The following CADPS2 variants were observed in gnomAD, a reference collection of about 807,000 sequenced individuals.
CADPS2 encodes calcium dependent secretion activator 2, also known as calcium-dependent secretion activator 2.
CADPS2 carries 93 observed loss-of-function variants against 172.5 expected under a neutral mutation model. The ratio of observed to expected loss-of-function variants is 0.54; its 90% CI spans 0.46 to 0.64. The LOEUF (loss-of-function observed/expected upper bound fraction) is 0.64, where lower values mean the gene tolerates loss of function less well. CADPS2 is among the 30% of genes least tolerant of loss of function. CADPS2 has a pLI of 0.00. For missense variants in CADPS2, 1,420 were observed against 1,565.9 expected (o/e 0.91, Z 1.57); for synonymous variants, 546 against 555.2 (o/e 0.98, Z 0.23).
chr7:122,700,741 G>A (rs936008017), intron 2 of CADPS2, among the ~76,000 whole-genome samples: 2 of 152,108 alleles, frequency 1.3e-5, no homozygotes, highest in South Asian at 2.1e-4. Flanking sequence ...ACCATTTGGA[G>A]AGGAAAAGAG....
At chr7:122,613,066 A>C (rs1038963577) in intron 6 of CADPS2, among the ~76,000 whole-genome samples, 11 of 152,178 alleles carry the variant, frequency 7.2e-5, no homozygotes, top group African/African-American at 2.4e-4. Context: ...AGTGACCTAA[A>C]TATAAAACTA....
intron 1 of CADPS2, among the ~76,000 whole-genome samples, chr7:122,784,405 G>T (rs935666948): frequency 6.6e-6 from 1 of 152,134 alleles, no homozygotes. Flanking sequence ...GCACTCATGT[G>T]TTAAGATTTA....
At chr7:122,505,122 A>T (rs1391984961) in intron 9 of CADPS2, among the ~76,000 whole-genome samples, 1 of 152,220 alleles carries the variant, frequency 6.6e-6, no homozygotes, top group South Asian at 2.1e-4. Flanking sequence ...TATAATTAAC[A>T]TGTTCATATT....
At chr7:122,533,281 G>A (rs777865381) in intron 8 of CADPS2, among the ~76,000 whole-genome samples, 2 of 152,050 alleles carry the variant, frequency 1.3e-5, no homozygotes, top group Non-Finnish European at 2.9e-5. Flanking sequence ...ATAGCCTGGA[G>A]CTTAAAGGCT....
chr7:122,652,395 TTAAG>T (rs2079251230), intron 3 of CADPS2, among the ~76,000 whole-genome samples: 3 of 152,202 alleles, frequency 2.0e-5, no homozygotes, highest in South Asian at 4.1e-4. Flanking sequence ...CTGGTACCAC[TTAAG>T]TAACAGCATT....
At chr7:122,527,609 AGAGAGAGAGTGTGTGTGTGT>A (rs1372406185) in intron 8 of CADPS2, among the ~76,000 whole-genome samples, 5 of 120,768 alleles carry the variant, frequency 4.1e-5, no homozygotes, top group African/African-American at 1.3e-4. Flanking sequence ...AGAGAGAGAG[AGAGAGAGAGTGTGTGTGTGT>A]GTGTGTGTGT....
chr7:122,698,450 T>C, intron 2 of CADPS2: 1 of 1,613,988 alleles, frequency 6.2e-7, no homozygotes, highest in Non-Finnish European at 8.5e-7. Context: ...CCTTTTAAGT[T>C]ACCAATCATA....
At chr7:122,878,639 C>CAAATAAATAAATAAATAAAT (rs59190953) in intron 1 of CADPS2, among the ~76,000 whole-genome samples, 4 of 138,936 alleles carry the variant, frequency 2.9e-5, no homozygotes, top group Non-Finnish European at 6.2e-5. Context: ...GACTCTGTCT[C>CAAATAAATAAATAAATAAAT]AAATAAATAA....
intron 17 of CADPS2, among the ~76,000 whole-genome samples, chr7:122,429,272 C>CT (rs61203849): frequency 1.5e-4 from 22 of 149,404 alleles, no homozygotes; most frequent in Non-Finnish European, 2.7e-4. Context: ...ACACACACAG[C>CT]TTTTTTTTAA....
At chr7:122,684,833 C>T (rs900219732) in intron 2 of CADPS2, among the ~76,000 whole-genome samples, 2 of 152,004 alleles carry the variant, frequency 1.3e-5, no homozygotes, top group Admixed American at 6.6e-5. Flanking sequence ...AAGGATAGCA[C>T]GTTATTTACT....
At chr7:122,626,630 T>G (rs534921900) in intron 4 of CADPS2, among the ~76,000 whole-genome samples, 13 of 152,332 alleles carry the variant, frequency 8.5e-5, no homozygotes, top group African/African-American at 3.1e-4. Context: ...GCATGTTTAC[T>G]CCTTATTGTG....
chr7:122,790,763 A>G (rs1795125777), intron 1 of CADPS2, among the ~76,000 whole-genome samples: 1 of 152,190 alleles, frequency 6.6e-6, no homozygotes, highest in African/African-American at 2.4e-5. Flanking sequence ...TCTTAAAGAT[A>G]CTGCAATGCA....
Position 122,472,281 on chromosome 7 carries a change from A to G in CADPS2, c.1999-719T>C, listed in dbSNP as rs149565690. On this transcript the variant is annotated intron_variant, in intron 13 of 29. Transcript: ENST00000449022. Reference sequence around the variant, plus strand: ...AAAAGAAGGGAGTATAGAGAGTTTTAAAAGGGGGCAGGGTAATCATGTAAG... The same window carrying G: ...AAAAGAAGGGAGTATAGAGAGTTTTGAAAGGGGGCAGGGTAATCATGTAAG... Among the ~76,000 whole-genome samples the G allele has an allele frequency of 2.2e-4, 33 of 149,594 alleles. 1 individual carries two copies. The East Asian group carries it at 6.5e-3, about 30-fold the overall frequency.
intron 1 of CADPS2, among the ~76,000 whole-genome samples, chr7:122,807,588 C>T (rs748145645): frequency 6.6e-6 from 1 of 152,186 alleles, no homozygotes; most frequent in Non-Finnish European, 1.5e-5. Flanking sequence ...AACAAAATGC[C>T]ACAGACTGGG....
chr7:122,456,115 T>C (rs892068180), intron 14 of CADPS2, among the ~76,000 whole-genome samples: 1 of 152,212 alleles, frequency 6.6e-6, no homozygotes, highest in Non-Finnish European at 1.5e-5. Flanking sequence ...AGTTAGTATG[T>C]ATTCACACTT....
At chr7:122,834,548 G>A (rs1160564209) in intron 1 of CADPS2, among the ~76,000 whole-genome samples, 9 of 152,156 alleles carry the variant, frequency 5.9e-5, no homozygotes, top group Non-Finnish European at 1.0e-4. Flanking sequence ...AAGGAAAGCC[G>A]TGACAGACAG....
At chr7:122,862,441 C>T (rs1387725601) in intron 1 of CADPS2, among the ~76,000 whole-genome samples, 1 of 152,104 alleles carries the variant, frequency 6.6e-6, no homozygotes, top group African/African-American at 2.4e-5. Flanking sequence ...CCCTCCTTGC[C>T]ACAGAAGGTG....
chr7:122,816,418 C>T (rs1584575725), intron 1 of CADPS2, among the ~76,000 whole-genome samples: 1 of 152,142 alleles, frequency 6.6e-6, no homozygotes, highest in East Asian at 1.9e-4. Context: ...TACATGTGCA[C>T]ATTTTCTTTA....
intron 17 of CADPS2, chr7:122,421,109 GGAA>G (rs2048480467): frequency 6.6e-6 from 1 of 152,120 alleles, no homozygotes; most frequent in Admixed American, 6.6e-5. Context: ...CCAGGATGTG[GGAA>G]GAAGACCAGT....
Sources: allele counts gnomAD v4.1 joint callset (sites outside exome capture counted in the v4.1 genomes callset), GRCh38; gene constraint gnomAD v4.1.1; transcripts MANE v1.5; gene names NCBI Gene and HGNC (gene_info 2026-07-23, HGNC 2026-07-21).